The following RBFOX1 variants were observed in gnomAD, a reference collection of about 807,000 sequenced individuals.
RBFOX1 encodes RNA binding protein fox-1 homolog 1.
Under a neutral mutation model 57.7 loss-of-function variants are expected in RBFOX1, and 8 were observed. The ratio of observed to expected loss-of-function variants is 0.14; its 90% CI spans 0.08 to 0.25. The LOEUF (loss-of-function observed/expected upper bound fraction) is 0.25. Among genes scored for constraint, RBFOX1 ranks in the 10% least tolerant of loss-of-function variants. The pLI, the probability that RBFOX1 is intolerant of heterozygous loss-of-function variation, is 1.00. For missense variants in RBFOX1, 611 were observed against 548.5 expected (o/e 1.11, Z -1.14); for synonymous variants, 326 against 222.4 (o/e 1.47, Z -4.15).
At chr16:7,561,528 G>T in intron 5 of RBFOX1, among the ~76,000 whole-genome samples, 1 of 152,198 alleles carries the variant, frequency 6.6e-6, no homozygotes, top group East Asian at 1.9e-4. Context: ...TGCAGAAATT[G>T]TGCAGTTTAT....
At chr16:5,546,347 A>T (rs1031572954) in intron 2 of RBFOX1, among the ~76,000 whole-genome samples, 18 of 152,160 alleles carry the variant, frequency 1.2e-4, no homozygotes, top group African/African-American at 4.3e-4. Context: ...CAGACAATGA[A>T]AGACCAGTAA....
chr16:7,656,056 G>A (rs1356680203), intron 12 of RBFOX1, among the ~76,000 whole-genome samples: 1 of 152,154 alleles, frequency 6.6e-6, no homozygotes, highest in Non-Finnish European at 1.5e-5. Flanking sequence ...CAATATCTGT[G>A]ATCAGTTTGG....
intron 10 of RBFOX1, among the ~76,000 whole-genome samples, chr16:7,613,752 C>T (rs576206878): frequency 6.6e-6 from 1 of 152,106 alleles, no homozygotes; most frequent in Admixed American, 6.5e-5. Context: ...GAGTCTATTA[C>T]CGTTAAGAGA....
At chr16:6,618,551 T>A (rs1292078111) in intron 2 of RBFOX1, among the ~76,000 whole-genome samples, 1 of 152,188 alleles carries the variant, frequency 6.6e-6, no homozygotes, top group South Asian at 2.1e-4. Context: ...TAAAAGTCTC[T>A]GGAACAAATG....
Position 7,495,217 on chromosome 16 carries a change from G to A in RBFOX1, c.28-22930G>A, listed in dbSNP as rs532045452. Among the ~76,000 whole-genome samples, 28 of 152,180 alleles carry A rather than the reference G, an allele frequency of 1.8e-4. No individual in the cohort carries two copies. The East Asian group carries it at 2.1e-3, about 12-fold the overall frequency. On this transcript the variant is annotated intron_variant, in intron 4 of 15. Coordinates refer to ENST00000550418, the MANE Select transcript of RBFOX1 (RefSeq NM_018723.4). ...CCACATTTTCTTTATCCAGTCCACC[G>A]CTGATACACACCTAGGCTAATTCCA...
At chr16:6,144,241 T>A (rs1207754487) in intron 1 of RBFOX1, among the ~76,000 whole-genome samples, 1 of 152,194 alleles carries the variant, frequency 6.6e-6, no homozygotes, top group African/African-American at 2.4e-5. Context: ...TATTCTCTTT[T>A]TAATTTTCTG....
At chr16:6,914,382 T>G (rs781041825) in intron 3 of RBFOX1, among the ~76,000 whole-genome samples, 8 of 152,146 alleles carry the variant, frequency 5.3e-5, no homozygotes, top group Non-Finnish European at 1.2e-4. Flanking sequence ...CTACTTTTCA[T>G]GATTCAGAAT....
chr16:6,737,609 G>T (rs904904930), intron 3 of RBFOX1, among the ~76,000 whole-genome samples: 7 of 152,164 alleles, frequency 4.6e-5, no homozygotes, highest in Non-Finnish European at 1.0e-4. Context: ...CTCATTTGAT[G>T]TGAGGGCTTA....
intron 3 of RBFOX1, among the ~76,000 whole-genome samples, chr16:5,864,220 C>T (rs781705118): frequency 3.3e-5 from 5 of 152,158 alleles, no homozygotes; most frequent in African/African-American, 4.8e-5. Context: ...GATGTCCCTG[C>T]GAAGTCCATG....
intron 1 of RBFOX1, among the ~76,000 whole-genome samples, chr16:6,314,365 G>T (rs1002383902): frequency 3.3e-5 from 5 of 152,190 alleles, no homozygotes; most frequent in African/African-American, 1.2e-4. Context: ...TAGAAAGGAT[G>T]TATATTCTGC....
rs959881693 is a variant in RBFOX1 at position 7,089,441 on chromosome 16, ATAAT to A, written c.27+37347_27+37350del. On this transcript the variant is annotated intron_variant, in intron 4 of 15. Coordinates refer to ENST00000550418, the MANE Select transcript of RBFOX1 (RefSeq NM_018723.4). ...GTAGTCACGTGGGATTGTCGCCTCAATAATTAAGGAAAAAACTATACTAGCATTT... is the reference window on the plus strand; with the variant it reads ...GTAGTCACGTGGGATTGTCGCCTCAATAAGGAAAAAACTATACTAGCATTT... Among the ~76,000 whole-genome samples the A allele has an allele frequency of 2.6e-5, 4 of 152,278 alleles. No homozygotes were observed. The South Asian group carries it at 8.3e-4, about 32-fold the overall frequency.
intron 1 of RBFOX1, among the ~76,000 whole-genome samples, chr16:5,406,125 TATTC>T (rs1182225885): frequency 2.0e-5 from 3 of 152,248 alleles, no homozygotes; most frequent in African/African-American, 4.8e-5. Context: ...TTCATTCATT[TATTC>T]ATTCATGTAG....
chr16:7,225,919 T>TATATATATATATATATATATAA (rs1315130232), intron 4 of RBFOX1, among the ~76,000 whole-genome samples: 27 of 142,152 alleles, frequency 1.9e-4, no homozygotes, highest in African/African-American at 6.2e-4. Context: ...TATATATATA[T>TATATATATATATATATATATAA]AAATGTGAAT....
At chr16:6,077,948 C>T (rs117804707) in intron 1 of RBFOX1, among the ~76,000 whole-genome samples, 1,525 of 152,194 alleles carry the variant, frequency 0.01, 12 homozygotes, top group Non-Finnish European at 0.016. Flanking sequence ...CTGTTGCCCC[C>T]AGGAAATGAG....
At chr16:7,314,549 G>C (rs1444464273) in intron 4 of RBFOX1, among the ~76,000 whole-genome samples, 1 of 152,198 alleles carries the variant, frequency 6.6e-6, no homozygotes, top group Admixed American at 6.5e-5. Context: ...AACGGGATGC[G>C]ATCTGTCTTA....
At chr16:5,963,495 T>C (rs1224172187) in intron 4 of RBFOX1, among the ~76,000 whole-genome samples, 2 of 152,260 alleles carry the variant, frequency 1.3e-5, no homozygotes, top group Non-Finnish European at 1.5e-5. Flanking sequence ...TCACACTTCC[T>C]GGTTTCAAAT....
intron 2 of RBFOX1, among the ~76,000 whole-genome samples, chr16:6,531,793 C>T (rs969438287): frequency 1.3e-5 from 2 of 152,086 alleles, no homozygotes; most frequent in Non-Finnish European, 2.9e-5. Context: ...GAGTATCAAC[C>T]CAATTTACGA....
Position 6,826,691 on chromosome 16 carries a change from A to G in RBFOX1, c.-16+172041A>G, listed in dbSNP as rs372717847. ...CCAGCCTAAGAGCTCAGGAGAGAGG[A>G]CTAACCCTAAGACCAGGTGATTTAT... On this transcript the variant is annotated intron_variant, in intron 3 of 15. Coordinates refer to ENST00000550418, the MANE Select transcript of RBFOX1 (RefSeq NM_018723.4). 2.6e-5 allele frequency among the ~76,000 whole-genome samples: 4 copies of G among 152,168 alleles called. No individual in the cohort carries two copies. The South Asian group carries it at 8.3e-4, about 32-fold the overall frequency.
chr16:7,052,506 A>C (rs1465104348), intron 4 of RBFOX1, among the ~76,000 whole-genome samples: 3 of 152,194 alleles, frequency 2.0e-5, no homozygotes, highest in Non-Finnish European at 4.4e-5. Context: ...GTGGGTGAGC[A>C]AGGAATATGT....
Sources: gnomAD v4.1 joint callset for allele counts (sites outside exome capture counted in the v4.1 genomes callset) on GRCh38, gnomAD v4.1.1 for gene constraint, MANE v1.5 for transcripts, NCBI Gene and HGNC (gene_info 2026-07-23, HGNC 2026-07-21) for gene names.